Variants in CFAP46 observed in about 807,000 individuals in gnomAD.
CFAP46 encodes the protein cilia and flagella associated protein 46, also known as cilia- and flagella-associated protein 46.
Under a neutral mutation model 325.7 loss-of-function variants are expected in CFAP46, and 245 were observed. That is an observed-to-expected ratio of 0.75 (90% confidence interval 0.68 to 0.84). The LOEUF is 0.84. CFAP46 is among the 40% of genes least tolerant of loss of function. CFAP46 has a pLI of 0.00. For synonymous variants in CFAP46, 1,523 were observed against 1,495.9 expected, an observed-to-expected ratio of 1.02 and a Z score of -0.42; for missense variants, 3,346 against 3,543.0, an observed-to-expected ratio of 0.94 and a Z score of 1.41.
rs776876237 is a variant in CFAP46 at position 132,899,539 on chromosome 10, C to G, written c.3052G>C (p.Ala1018Pro). Reference sequence around the variant, plus strand: ...CAGCCCCTTAGAGCCACACACCTGGCGCTCTCCGTGAAGGCCTTGGCTGCC... The same window carrying G: ...CAGCCCCTTAGAGCCACACACCTGGGGCTCTCCGTGAAGGCCTTGGCTGCC... Reference protein sequence around the residue: ...LVAAKAFTESARFGGIAGSSA... With the variant: ...LVAAKAFTESPRFGGIAGSSA... Residue 1018 changes from alanine to proline, a missense_variant, in exon 23 of 58, where the codon GCC becomes CCC. By Grantham distance (27) the Ala-to-Pro change is conservative. Coordinates refer to ENST00000368586, the MANE Select transcript of CFAP46 (RefSeq NM_001200049.3). 1 of 1,546,516 alleles carries G rather than the reference C, an allele frequency of 6.5e-7. No individual in the cohort carries two copies. Among genetic ancestry groups the G allele is most frequent in the East Asian group, 2.4e-5 (1 of 40,910 alleles).
chr10:132,886,093 C>A lies in CFAP46; in HGVS notation c.3305-134G>T. The A allele has an allele frequency of 5.7e-6, 7 of 1,225,302 alleles. No homozygotes were observed. Among genetic ancestry groups the A allele is most frequent in the Non-Finnish European group, 7.9e-6 (7 of 887,044 alleles). The allele number at this position is 1,225,302 out of a possible 1,614,324, so 75.9% of individuals were successfully genotyped here. ...GCGGCTACAGAGGTGCCCAGGCCAG[C>A]GCATGCCCCGCAGGGCTGAAGTGAG... On this transcript the variant is annotated intron_variant, in intron 25 of 57. Transcript: ENST00000368586. The surrounding 1 kb of genome is among the most constrained non-coding windows in gnomAD (Gnocchi z 5.8).
At chr10:132,818,264 G>GA (rs1473049633) in intron 50 of CFAP46, among the ~76,000 whole-genome samples, 3 of 151,866 alleles carry the variant, frequency 2.0e-5, no homozygotes, top group South Asian at 2.1e-4. Flanking sequence ...TCCCCTCGTA[G>GA]AAAAAACCTT....
intron 44 of CFAP46, among the ~76,000 whole-genome samples, chr10:132,838,573 T>A (rs1656133612): frequency 6.6e-6 from 1 of 152,264 alleles, no homozygotes; most frequent in South Asian, 2.1e-4. Flanking sequence ...AGCGTGGGGC[T>A]GGCCTTCCTC....
intron 53 of CFAP46, 148 bp from the exon 54 acceptor site, chr10:132,814,402 C>A: frequency 9.3e-7 from 1 of 1,077,544 alleles, no homozygotes; most frequent in Non-Finnish European, 1.3e-6. Context: ...TAGAACCAGG[C>A]TAGCCAGAGA....
rs886434520 is a variant in CFAP46, at chr10:132,885,087, G to A, written c.3627+16C>T. The A allele has an allele frequency of 4.1e-5, 63 of 1,537,016 alleles. No individual in the cohort carries two copies. Among genetic ancestry groups the A allele is most frequent in the Admixed American group, 6.0e-5 (3 of 50,094 alleles). On this transcript the variant is annotated intron_variant, in intron 27 of 57. Transcript: ENST00000368586. ...GACAAATTTTACCACGTGCACCCAC[G>A]CTTACGGCTTCACACCTGCAAGGCC...
intron 11 of CFAP46, among the ~76,000 whole-genome samples, 186 bp from the exon 12 acceptor site, chr10:132,922,894 GA>G (rs1849749327): frequency 6.6e-6 from 1 of 152,242 alleles, no homozygotes; most frequent in African/African-American, 2.4e-5. Flanking sequence ...CACAAATGGG[GA>G]CAAGGAGAGA....
intron 26 of CFAP46, 82 bp downstream of exon 26, chr10:132,885,739 G>A (rs1400775991): frequency 7.6e-6 from 11 of 1,438,030 alleles, no homozygotes; most frequent in South Asian, 1.3e-5. Flanking sequence ...ACTCACAGGC[G>A]GTGTGGGGAG....
At chr10:132,841,177 C>A (rs1393163297) in intron 44 of CFAP46, among the ~76,000 whole-genome samples, 1 of 152,184 alleles carries the variant, frequency 6.6e-6, no homozygotes, top group Non-Finnish European at 1.5e-5. Flanking sequence ...AGCAGCAACT[C>A]AAAAGTCCGA....
intron 50 of CFAP46, among the ~76,000 whole-genome samples, chr10:132,818,006 T>A (rs980796242): frequency 3.9e-5 from 6 of 152,102 alleles, no homozygotes; most frequent in Admixed American, 1.3e-4. Flanking sequence ...GGCTTTCTCA[T>A]CACCTGGGCC....
intron 50 of CFAP46, among the ~76,000 whole-genome samples, chr10:132,816,328 C>CTTTTTTTT (rs1008391673): frequency 3.4e-5 from 4 of 118,844 alleles, no homozygotes; most frequent in African/African-American, 1.3e-4. Context: ...CTGACTTCTT[C>CTTTTTTTT]TTTTTTTTTT....
chr10:132,940,840 G>A (rs1434758731), intron 4 of CFAP46, among the ~76,000 whole-genome samples, 156 bp downstream of exon 4: 3 of 152,226 alleles, frequency 2.0e-5, no homozygotes, highest in Admixed American at 6.5e-5. Flanking sequence ...CTGTCCACAC[G>A]CTGACGAGAT....
intron 27 of CFAP46, 93 bp from the exon 28 acceptor site, chr10:132,881,125 G>A: frequency 1.6e-6 from 2 of 1,240,540 alleles, no homozygotes; most frequent in South Asian, 2.8e-5. Flanking sequence ...TTTTCTACAA[G>A]AAAAGCTTCA....
At chr10:132,893,674 C>T (rs534908579) in intron 24 of CFAP46, among the ~76,000 whole-genome samples, 39 of 152,334 alleles carry the variant, frequency 2.6e-4, no homozygotes, top group Admixed American at 1.2e-3. Flanking sequence ...GTGAGACCCC[C>T]AAGTCAAAGG....
chr10:132,847,354 C>T lies in CFAP46; in HGVS notation c.5953-33G>A. ...ACACATTGCAGGTTGGCAGACACTT[C>T]TGGGTTCCTGCTTGGTCGGCGTGGG... On this transcript the variant is annotated intron_variant, in intron 41 of 57. Coordinates refer to ENST00000368586, the MANE Select transcript of CFAP46 (RefSeq NM_001200049.3). The surrounding 1 kb of genome is among the most constrained non-coding windows in gnomAD (Gnocchi z 5.2). 4 of 1,609,682 alleles carry T rather than the reference C, an allele frequency of 2.5e-6. No homozygotes were observed.
In CFAP46 at chr10:132,836,173, A is replaced by G; in HGVS notation, c.6582T>C (p.Thr2194=). Residue 2194 remains threonine, a synonymous_variant, in exon 46 of 58, where the codon ACT becomes ACC. Transcript: ENST00000368586. ...CCGCCTGCACCTTTCCTTTGGCTGCAGTAATGAACTTGGGTTTCTCGTAGG... is the reference window on the plus strand; with the variant it reads ...CCGCCTGCACCTTTCCTTTGGCTGCGGTAATGAACTTGGGTTTCTCGTAGG... ...GAAYEKPKFI[T]AAKGKVQAVG... The G allele has an allele frequency of 1.2e-6, 2 of 1,607,950 alleles. No homozygotes were observed. Among genetic ancestry groups the G allele is most frequent in the Non-Finnish European group, 1.7e-6 (2 of 1,178,896 alleles).
chr10:132,846,018 G>C (rs765755353), intron 44 of CFAP46, 39 bp downstream of exon 44: 1 of 1,579,876 alleles, frequency 6.3e-7, no homozygotes, highest in East Asian at 2.3e-5. Context: ...CAGAGCTCCA[G>C]AGCTGGGGGC....
chr10:132,842,813 G>A (rs897503046), intron 44 of CFAP46, among the ~76,000 whole-genome samples: 1 of 152,204 alleles, frequency 6.6e-6, no homozygotes, highest in African/African-American at 2.4e-5. Flanking sequence ...GACACACGGT[G>A]AGGGGGCTGT....
Position 132,812,876 on chromosome 10 carries a change from G to A in CFAP46, c.7410C>T (p.Ala2470=). 6.2e-7 allele frequency: 1 copy of A among 1,609,242 alleles called. No individual in the cohort carries two copies. Among genetic ancestry groups the A allele is most frequent in the Non-Finnish European group, 8.5e-7 (1 of 1,179,718 alleles). ...AGAAGAAACCGCTGCAGCTGCCCAG[G>A]GCCTGCTCCCACTGGGCCTGGCTGC... ...HFPSQAQWEQ[A]LGSCSGFFFY... is the part of the protein sequence containing the mutation. Residue 2470 remains alanine (A), a synonymous_variant, in exon 55 of 58, where the codon GCC becomes GCT. Coordinates refer to ENST00000368586, the MANE Select transcript of CFAP46 (RefSeq NM_001200049.3).
intron 57 of CFAP46, among the ~76,000 whole-genome samples, 167 bp from the exon 58 acceptor site, chr10:132,809,071 C>T (rs1591025482): frequency 6.6e-6 from 1 of 152,164 alleles, no homozygotes; most frequent in Non-Finnish European, 1.5e-5. Context: ...CACCCGCACC[C>T]CTCCCGCACC....
Sources: allele counts gnomAD v4.1 joint callset (sites outside exome capture counted in the v4.1 genomes callset), GRCh38; gene constraint gnomAD v4.1.1; non-coding constraint Gnocchi (gnomAD v3.1); transcripts MANE v1.5; gene names NCBI Gene and HGNC (gene_info 2026-07-23, HGNC 2026-07-21).